Variants in SPAG17 observed in about 807,000 individuals in gnomAD.
SPAG17 encodes the protein sperm-associated antigen 17.
A neutral mutation model predicts 273.6 loss-of-function variants in SPAG17; 169 were observed. The ratio of observed to expected loss-of-function variants is 0.62; its 90% CI spans 0.55 to 0.70. The LOEUF (loss-of-function observed/expected upper bound fraction) is 0.70, where lower values mean the gene tolerates loss of function less well. SPAG17 is among the 30% of genes least tolerant of loss of function. The pLI is 0.00. For missense variants in SPAG17, 2,557 were observed against 2,627.8 expected (o/e 0.97, Z 0.59); for synonymous variants, 825 against 873.2 (o/e 0.94, Z 0.97).
intron 3 of SPAG17, among the ~76,000 whole-genome samples, chr1:118,144,534 A>G (rs1658864088): frequency 6.6e-6 from 1 of 152,106 alleles, no homozygotes; most frequent in African/African-American, 2.4e-5. Context: ...ATATTCCCAA[A>G]TTTTGTTCCA....
intron 32 of SPAG17, among the ~76,000 whole-genome samples, chr1:117,998,875 T>C (rs1401923639): frequency 6.6e-6 from 1 of 152,060 alleles, no homozygotes; most frequent in Non-Finnish European, 1.5e-5. Flanking sequence ...CTAGGGCACA[T>C]GTGCGTGCAG....
chr1:118,177,094 T>C (rs1267068350), intron 1 of SPAG17, among the ~76,000 whole-genome samples: 1 of 152,192 alleles, frequency 6.6e-6, no homozygotes, highest in Non-Finnish European at 1.5e-5. Flanking sequence ...ATCCATAAAG[T>C]AGAAAGACTT....
At chr1:118,074,435 C>T (rs1414895909) in intron 16 of SPAG17, 104 bp downstream of exon 16, 3 of 951,708 alleles carry the variant, frequency 3.2e-6, no homozygotes, top group African/African-American at 1.6e-5. Context: ...TCAGTATTCT[C>T]CTTCTAAGTA....
At position 118,108,032 on chromosome 1, in the gene SPAG17, A is replaced by C. The variant is rs1656514520; in HGVS notation, c.448-6106T>G. The stretch of plus-strand genomic sequence containing the variant: ...ACAATAAAACTGAATGGAAGTACCT[A>C]GGTCTTCCTGGGTTCCGGATCCAGG... On this transcript the variant is annotated intron_variant, in intron 4 of 48. Transcript: ENST00000336338. Among the ~76,000 whole-genome samples the C allele has an allele frequency of 2.6e-5, 4 of 152,194 alleles. No individual in the cohort carries two copies. In the South Asian group the frequency reaches 8.3e-4, roughly 32 times the overall value.
intron 28 of SPAG17, among the ~76,000 whole-genome samples, chr1:118,020,064 A>G (rs987374873): frequency 6.6e-6 from 1 of 152,246 alleles, no homozygotes; most frequent in South Asian, 2.1e-4. Flanking sequence ...CCGGTAAGGT[A>G]TTAAATAGTA....
intron 20 of SPAG17, among the ~76,000 whole-genome samples, chr1:118,051,280 T>C (rs990934754): frequency 1.3e-5 from 2 of 152,154 alleles, no homozygotes; most frequent in Admixed American, 1.3e-4. Context: ...AGAACCATGG[T>C]ACACTGATGA....
intron 2 of SPAG17, among the ~76,000 whole-genome samples, chr1:118,150,885 C>A (rs1659338788): frequency 6.6e-6 from 1 of 152,176 alleles, no homozygotes; most frequent in East Asian, 1.9e-4. Flanking sequence ...CTGTAGCCTT[C>A]ATTTTCCAAT....
chr1:118,092,198 T>G (rs1655420695), intron 8 of SPAG17, among the ~76,000 whole-genome samples, 196 bp from the exon 9 acceptor site: 2 of 152,112 alleles, frequency 1.3e-5, no homozygotes, highest in Admixed American at 6.6e-5. Flanking sequence ...GGTATAGACA[T>G]TATTCAGTTT....
intron 18 of SPAG17, among the ~76,000 whole-genome samples, chr1:118,061,637 A>G (rs1371189807): frequency 6.6e-6 from 1 of 152,176 alleles, no homozygotes; most frequent in Non-Finnish European, 1.5e-5. Flanking sequence ...TTTTTAAAAA[A>G]CCACAATGCA....
At chr1:117,980,874 G>C (rs973474585) in intron 43 of SPAG17, among the ~76,000 whole-genome samples, 12 of 152,102 alleles carry the variant, frequency 7.9e-5, no homozygotes, top group Non-Finnish European at 1.3e-4. Flanking sequence ...GCACCTGCAG[G>C]ACCAAGAAAG....
intron 22 of SPAG17, among the ~76,000 whole-genome samples, 162 bp from the exon 23 acceptor site, chr1:118,039,606 G>T (rs933671679): frequency 2.6e-5 from 4 of 152,102 alleles, no homozygotes; most frequent in Non-Finnish European, 4.4e-5. Flanking sequence ...GAGCACACAT[G>T]AACACAAAGA....
At chr1:118,063,487 A>G (rs1225120542) in intron 18 of SPAG17, among the ~76,000 whole-genome samples, 2 of 152,140 alleles carry the variant, frequency 1.3e-5, no homozygotes, top group Non-Finnish European at 2.9e-5. Context: ...AATGGGGAAA[A>G]GATTCCCTAT....
rs1467600500 is a variant in SPAG17 at position 118,161,569 on chromosome 1, G to T, written c.88-10200C>A. On this transcript the variant is annotated intron_variant, in intron 1 of 48. Transcript: ENST00000336338. ...TCTTCTTTTTTTTAGACGTAGTCTC[G>T]CTCTGTCGCCCAGGCTGGAGTGCTG... is the stretch of plus-strand genomic sequence containing the variant. Among the ~76,000 whole-genome samples, 3 of 151,572 alleles carry T rather than the reference G, an allele frequency of 2.0e-5. No individual in the cohort carries two copies. In the East Asian group the frequency reaches 5.8e-4, roughly 29 times the overall value.
At chr1:117,972,128 G>A in intron 44 of SPAG17, 81 bp from the exon 45 acceptor site, 2 of 1,223,364 alleles carry the variant, frequency 1.6e-6, no homozygotes, top group Admixed American at 5.2e-5. Context: ...TGTCACCAGA[G>A]GAAAATAACT....
rs546125312 is a variant in SPAG17 at position 118,163,349 on chromosome 1, A to G, written c.88-11980T>C. Among the ~76,000 whole-genome samples, 87 of 152,196 alleles carry G rather than the reference A, an allele frequency of 5.7e-4. 1 individual carries two copies. The highest frequency in any genetic ancestry group is 2.0e-3 in the African/African-American group (84 of 41,520). On this transcript the variant is annotated intron_variant, in intron 1 of 48. Transcript: ENST00000336338. ...GTCACTTGAAGAATTAGTGGAAGGA[A>G]TTCTTTGTCCATGTCCTGCTTGTCC... is the stretch of plus-strand genomic sequence containing the variant.
chr1:118,027,961 C>A (rs1647952382), intron 26 of SPAG17, among the ~76,000 whole-genome samples: 1 of 152,174 alleles, frequency 6.6e-6, no homozygotes, highest in Non-Finnish European at 1.5e-5. Flanking sequence ...CATCACTGGG[C>A]TGAGAATGGC....
chr1:118,185,124 T>G lies in SPAG17; in HGVS notation c.34A>C (p.Asn12His). ...GGTTCCCATATCTTAGAACTGGTGT[T>G]CACAGTTCCTCCTTTCTCCTTCTTG... ...APKKEKGGTV[N>H]TSSKIWEPSL... Residue 12 changes from asparagine (N) to histidine (H), a missense_variant, in exon 1 of 49, where the codon AAC (asparagine) becomes CAC (histidine). Coordinates refer to ENST00000336338, the MANE Select transcript of SPAG17 (RefSeq NM_206996.4). 6.2e-7 allele frequency: 1 copy of G among 1,614,100 alleles called. No individual in the cohort carries two copies. The highest frequency in any genetic ancestry group is 8.5e-7 in the Non-Finnish European group (1 of 1,179,974).
At chr1:118,146,077 G>A (rs10494205) in intron 3 of SPAG17, among the ~76,000 whole-genome samples, 15,967 of 152,094 alleles carry the variant, frequency 0.1, 2,323 homozygotes, top group African/African-American at 0.33. Context: ...AGGATGGTTG[G>A]TTCTGATTTC....
intron 43 of SPAG17, among the ~76,000 whole-genome samples, chr1:117,973,908 T>C (rs1483420999): frequency 1.3e-5 from 2 of 152,140 alleles, no homozygotes; most frequent in Non-Finnish European, 2.9e-5. Flanking sequence ...CCTACTGAAG[T>C]GAGAACATGT....
Sources: gnomAD v4.1 joint callset for allele counts (sites outside exome capture counted in the v4.1 genomes callset) on GRCh38, gnomAD v4.1.1 for gene constraint, MANE v1.5 for transcripts, NCBI Gene and HGNC (gene_info 2026-07-23, HGNC 2026-07-21) for gene names.